The following ZZEF1 variants were observed in gnomAD, a reference collection of about 807,000 sequenced individuals.
ZZEF1 encodes the protein zinc finger ZZ-type and EF-hand domain containing 1.
In ZZEF1, 157 loss-of-function variants were observed where a neutral mutation model predicts 342.8. That is an observed-to-expected ratio of 0.46 (90% CI 0.40 to 0.52). The LOEUF is 0.52. ZZEF1 is among the 20% of genes least tolerant of loss of function. ZZEF1 has a pLI of 0.00. For synonymous variants in ZZEF1, 1,505 were observed against 1,429.1 expected (o/e 1.05, Z -1.20); for missense variants, 3,480 against 3,725.6 (o/e 0.93, Z 1.72).
chr17:4,070,584 G>T, intron 26 of ZZEF1, 100 bp downstream of exon 26: 1 of 1,337,728 alleles, frequency 7.5e-7, no homozygotes, highest in Non-Finnish European at 1.0e-6. Context: ...ATAGAAATGT[G>T]TTTATATTTT....
chr17:4,142,983 C>G lies in ZZEF1; in HGVS notation c.-88G>C. 7.9e-7 allele frequency: 1 copy of G among 1,262,238 alleles called. No individual in the cohort carries two copies. The highest frequency in any genetic ancestry group is 3.2e-5 in the South Asian group (1 of 30,946). 78.2% of individuals were successfully genotyped at this position (1,262,238 alleles called of 1,614,324 possible). ...TCAACCTCCGACAGCAGCTGGCGGGCGGGGACGCGGAGGAGACGACGGCGG... is the reference window on the plus strand; with the variant it reads ...TCAACCTCCGACAGCAGCTGGCGGGGGGGGACGCGGAGGAGACGACGGCGG... On this transcript the variant is annotated 5_prime_UTR_variant, in exon 1 of 55. Transcript: ENST00000381638.
chr17:4,141,402 A>G (rs1222230771), intron 1 of ZZEF1, among the ~76,000 whole-genome samples: 4 of 152,188 alleles, frequency 2.6e-5, no homozygotes, highest in Admixed American at 1.3e-4. Flanking sequence ...TTATGTACAC[A>G]CCCTTCGTGG....
chr17:4,093,975 G>T (rs1427691392), intron 11 of ZZEF1, among the ~76,000 whole-genome samples: 1 of 152,016 alleles, frequency 6.6e-6, no homozygotes, highest in Non-Finnish European at 1.5e-5. Context: ...ATTTTCCCTT[G>T]GCTTCATGGG....
chr17:4,090,438 G>C (rs2057920336), intron 12 of ZZEF1, among the ~76,000 whole-genome samples: 1 of 152,236 alleles, frequency 6.6e-6, no homozygotes, highest in African/African-American at 2.4e-5. Flanking sequence ...GCCTGGCTAA[G>C]GATGACAACT....
chr17:4,110,141 A>T (rs1396802246), intron 5 of ZZEF1, among the ~76,000 whole-genome samples: 2 of 152,214 alleles, frequency 1.3e-5, no homozygotes, highest in African/African-American at 2.4e-5. Flanking sequence ...GTCTTGAAAA[A>T]ACTACACAAA....
At chr17:4,059,517 T>C (rs1218011353) in intron 30 of ZZEF1, among the ~76,000 whole-genome samples, 1 of 152,168 alleles carries the variant, frequency 6.6e-6, no homozygotes, top group Non-Finnish European at 1.5e-5. Context: ...GAGATGAGAT[T>C]ATTTATCTTC....
Position 4,021,412 on chromosome 17 carries a change from T to C in ZZEF1, c.7213-92A>G, listed in dbSNP as rs2056267001. On this transcript the variant is annotated intron_variant, in intron 44 of 54. Coordinates refer to ENST00000381638, the MANE Select transcript of ZZEF1 (RefSeq NM_015113.4). ...ATCATGAAAATATTGGGCCTAACTT[T>C]TTAAGACATCAGAATCTACCTGAAG... is the stretch of plus-strand genomic sequence containing the variant. The C allele has an allele frequency of 7.3e-6, 7 of 959,550 alleles. No homozygotes were observed. In the East Asian group the frequency reaches 1.6e-4, roughly 22 times the overall value. The allele number at this position is 959,550 out of a possible 1,614,324, so 59.4% of individuals were successfully genotyped here.
intron 16 of ZZEF1, among the ~76,000 whole-genome samples, chr17:4,085,030 T>C (rs2057793465): frequency 6.6e-6 from 1 of 152,188 alleles, no homozygotes; most frequent in African/African-American, 2.4e-5. Flanking sequence ...GAGGATTGCT[T>C]GAGCCTGGGA....
chr17:4,036,135 C>G (rs1181546878), intron 39 of ZZEF1, among the ~76,000 whole-genome samples: 2 of 148,326 alleles, frequency 1.3e-5, no homozygotes, highest in Non-Finnish European at 3.0e-5. Flanking sequence ...AAAAGAAGAA[C>G]AGCAGCAGAG....
intron 9 of ZZEF1, among the ~76,000 whole-genome samples, chr17:4,098,996 T>A (rs937210753): frequency 2.0e-5 from 3 of 152,234 alleles, no homozygotes; most frequent in Non-Finnish European, 2.9e-5. Flanking sequence ...TAAACTATTG[T>A]CTAAAAGTTA....
intron 12 of ZZEF1, among the ~76,000 whole-genome samples, chr17:4,089,388 T>C (rs2057901864): frequency 6.6e-6 from 1 of 152,218 alleles, no homozygotes. Context: ...GCGCTCTTTG[T>C]TAAGGGCCTT....
chr17:4,009,136 C>T, intron 53 of ZZEF1, 182 bp from the exon 54 acceptor site: 1 of 724,046 alleles, frequency 1.4e-6, no homozygotes, highest in Non-Finnish European at 2.2e-6. Context: ...GTGCCCGGTG[C>T]CGGGGTCACC....
chr17:4,025,097 T>C lies in ZZEF1; in HGVS notation c.6914A>G (p.Gln2305Arg). 6.2e-7 allele frequency: 1 copy of C among 1,614,130 alleles called. No individual in the cohort carries two copies. Among genetic ancestry groups the C allele is most frequent in the South Asian group, 1.1e-5 (1 of 91,086 alleles). The change falls in exon 43 of 55, where the codon CAG (glutamine) becomes CGG (arginine). Residue 2305 changes from glutamine to arginine, a missense_variant. By Grantham distance (43) the Gln-to-Arg change is conservative. Coordinates refer to ENST00000381638, the MANE Select transcript of ZZEF1 (RefSeq NM_015113.4). ...RKTVKDYQLV[Q>R]KGGGQECGDS... The stretch of plus-strand genomic sequence containing the variant: ...ACCACACTCTTGTCCTCCTCCCTTC[T>C]GGACCAGCTGGTAGTCCTTCACTGA...
At chr17:4,105,167 C>T (rs1474659094) in intron 7 of ZZEF1, among the ~76,000 whole-genome samples, 1 of 152,180 alleles carries the variant, frequency 6.6e-6, no homozygotes, top group Non-Finnish European at 1.5e-5. Flanking sequence ...CTGAATTACA[C>T]TTCTTTGCTT....
At chr17:4,057,697 T>C (rs960319710) in intron 32 of ZZEF1, among the ~76,000 whole-genome samples, 4 of 152,154 alleles carry the variant, frequency 2.6e-5, no homozygotes, top group Non-Finnish European at 4.4e-5. Context: ...CCACCACCAA[T>C]GTACATAGCT....
Position 4,123,929 on chromosome 17 carries a change from T to C in ZZEF1, c.477A>G (p.Leu159=). 2.5e-6 allele frequency: 4 copies of C among 1,613,968 alleles called. No individual in the cohort carries two copies. Among genetic ancestry groups the C allele is most frequent in the East Asian group, 2.2e-5 (1 of 44,878 alleles). Residue 159 remains leucine (L), a synonymous_variant, in exon 2 of 55, where the codon CTA becomes CTG. Coordinates refer to ENST00000381638, the MANE Select transcript of ZZEF1 (RefSeq NM_015113.4). The part of the protein sequence containing the change: ...QGELSHIIRQ[L]QACSLVPGFT... ...CACCTGGAACCAGAGAGCAGGCCTG[T>C]AGTTGTCTGATGATGTGGCTCAGCT...
chr17:4,140,387 G>T (rs1040015405), intron 1 of ZZEF1, among the ~76,000 whole-genome samples: 2 of 152,134 alleles, frequency 1.3e-5, no homozygotes, highest in African/African-American at 4.8e-5. Flanking sequence ...ACCTTCTCAG[G>T]TAAGTCTTGC....
intron 6 of ZZEF1, 57 bp downstream of exon 6, chr17:4,109,596 G>C: frequency 1.3e-6 from 2 of 1,562,698 alleles, no homozygotes; most frequent in Non-Finnish European, 1.8e-6. Flanking sequence ...CGCCCTAAAG[G>C]ATGATGGGAG....
chr17:4,074,485 G>T, intron 23 of ZZEF1, 134 bp from the exon 24 acceptor site: 1 of 921,342 alleles, frequency 1.1e-6, no homozygotes, highest in Non-Finnish European at 1.7e-6. Flanking sequence ...ATGACTAACG[G>T]AGAAATGTAC....
Sources: allele counts gnomAD v4.1 joint callset (sites outside exome capture counted in the v4.1 genomes callset), GRCh38; gene constraint gnomAD v4.1.1; transcripts MANE v1.5; gene names NCBI Gene and HGNC (gene_info 2026-07-23, HGNC 2026-07-21).